The following LRP2 variants were observed in gnomAD, a reference collection of about 807,000 sequenced individuals.
The protein encoded by LRP2 is LDL receptor related protein 2.
A neutral mutation model predicts 531.0 loss-of-function variants in LRP2; 172 were observed. The observed-to-expected ratio is 0.32, with a 90% CI of 0.29 to 0.37. The LOEUF (loss-of-function observed/expected upper bound fraction) is 0.37. Ranked by LOEUF, LRP2 falls within the 10% of genes least tolerant of loss-of-function variation. The pLI is 1.00. For missense variants in LRP2, 5,167 were observed against 5,868.3 expected (o/e 0.88, Z 3.90); for synonymous variants, 1,992 against 2,027.6 (o/e 0.98, Z 0.47).
chr2:169,163,410 TAA>T (rs1043549751), intron 62 of LRP2, among the ~76,000 whole-genome samples: 4 of 152,132 alleles, frequency 2.6e-5, no homozygotes, highest in African/African-American at 4.8e-5. Flanking sequence ...TCCCAAACAG[TAA>T]AAGTCTGAAG....
At chr2:169,279,213 G>T (rs1365147139) in intron 12 of LRP2, among the ~76,000 whole-genome samples, 159 bp downstream of exon 12, 1 of 152,134 alleles carries the variant, frequency 6.6e-6, no homozygotes, top group African/African-American at 2.4e-5. Flanking sequence ...CTCTCTTAAA[G>T]CTTCTATAAA....
At chr2:169,199,380 A>ATG (rs997778243) in intron 44 of LRP2, among the ~76,000 whole-genome samples, 79 of 152,022 alleles carry the variant, frequency 5.2e-4, no homozygotes, top group African/African-American at 1.7e-3. Context: ...ATATAAGTGT[A>ATG]TGTGTGTGTG....
At chr2:169,323,633 A>G (rs1473464027) in intron 1 of LRP2, among the ~76,000 whole-genome samples, 1 of 151,988 alleles carries the variant, frequency 6.6e-6, no homozygotes, top group Non-Finnish European at 1.5e-5. Flanking sequence ...AAGATTTAAA[A>G]AAAAAAAAAG....
In LRP2 at chr2:169,254,316, A is replaced by G. The variant is rs1486273306; in HGVS notation, c.2770+1790T>C. On this transcript the variant is annotated intron_variant, in intron 19 of 78. Coordinates refer to ENST00000649046, the MANE Select transcript of LRP2 (RefSeq NM_004525.3). ...CACCATGGAATACTATGCAGCCATA[A>G]AAAATGATGAGTTCATATCCTTTGT... Among the ~76,000 whole-genome samples, 2 of 83,882 alleles carry G rather than the reference A, an allele frequency of 2.4e-5. 1 individual carries two copies. The highest frequency in any genetic ancestry group is 4.3e-5 in the Non-Finnish European group (2 of 46,134). 55.0% of individuals were successfully genotyped at this position (83,882 alleles called of 152,430 possible). A position where few individuals can be genotyped will look rare whatever the true frequency, so the allele number is the denominator to read the frequency against.
rs766620892 is a variant in LRP2 at position 169,169,814 on chromosome 2, C to T, written c.11385G>A (p.Met3795Ile). 2 of 1,604,822 alleles carry T rather than the reference C, an allele frequency of 1.2e-6. No individual in the cohort carries two copies. The highest frequency in any genetic ancestry group is 1.7e-6 in the Non-Finnish European group (2 of 1,171,574). Residue 3795 changes from methionine (M) to isoleucine (I), a missense_variant, in exon 60 of 79, where the codon ATG becomes ATA. Met to Ile is a conservative substitution (Grantham distance 10, BLOSUM62 1). Around this residue, in one of 6 missense-constraint regions of LRP2, gnomAD observed 564 missense variants for 747.7 expected, o/e 0.75. Coordinates refer to ENST00000649046, the MANE Select transcript of LRP2 (RefSeq NM_004525.3). ...GAAAATATTCAGGATGGCAGGTCCT[C>T]ATCTCTGAAGAGAAAAGATTGTCAT... is the stretch of plus-strand genomic sequence containing the variant. ...GDNSDERDCE[M>I]RTCHPEYFQC... is the part of the protein sequence containing the mutation.
At chr2:169,173,881 T>C (rs777766567) in intron 56 of LRP2, 38 bp downstream of exon 56, 2 of 1,613,258 alleles carry the variant, frequency 1.2e-6, no homozygotes, top group South Asian at 2.2e-5. Flanking sequence ...CGTGTCTCCC[T>C]GCTCTGGTCA....
At chr2:169,185,286 T>C (rs1687594802) in intron 50 of LRP2, among the ~76,000 whole-genome samples, 1 of 152,182 alleles carries the variant, frequency 6.6e-6, no homozygotes, top group East Asian at 1.9e-4. Context: ...AATTCCTCTT[T>C]CCATAAAAAT....
intron 3 of LRP2, among the ~76,000 whole-genome samples, chr2:169,315,164 C>T (rs1320961000): frequency 2.0e-5 from 3 of 152,166 alleles, no homozygotes; most frequent in Non-Finnish European, 4.4e-5. Context: ...TTCATCTATT[C>T]ATTAATTACA....
chr2:169,208,508 T>G (rs1273335506), intron 38 of LRP2, among the ~76,000 whole-genome samples: 2 of 152,162 alleles, frequency 1.3e-5, no homozygotes, highest in Non-Finnish European at 1.5e-5. Context: ...CCAGGCTTGA[T>G]GGCAGTGGCT....
At chr2:169,170,919 C>CTT (rs1447923858) in intron 58 of LRP2, among the ~76,000 whole-genome samples, 2 of 76,538 alleles carry the variant, frequency 2.6e-5, no homozygotes, top group African/African-American at 4.9e-5. Context: ...CTCTCTCTCT[C>CTT]TGTTTTTTTT....
chr2:169,209,433 TC>T lies in LRP2; in HGVS notation c.6469+19del. 6.2e-7 allele frequency: 1 copy of T among 1,610,824 alleles called. No individual in the cohort carries two copies. ...TGACAGAGATGCAAACATATTAAAA[TC>T]ACCATATAGCTTACATACCTGCTAC... is the stretch of plus-strand genomic sequence containing the variant. On this transcript the variant is annotated intron_variant, in intron 38 of 78. Transcript: ENST00000649046.
intron 1 of LRP2, among the ~76,000 whole-genome samples, chr2:169,349,864 C>T (rs1336141306): frequency 6.6e-6 from 1 of 152,194 alleles, no homozygotes; most frequent in Non-Finnish European, 1.5e-5. Context: ...ATTATATACT[C>T]CAAGCTCCAT....
chr2:169,291,055 T>C, intron 7 of LRP2, 58 bp from the exon 8 acceptor site: 1 of 1,524,666 alleles, frequency 6.6e-7, no homozygotes, highest in Non-Finnish European at 9.0e-7. Flanking sequence ...CAGCTCTTTG[T>C]TAATCAGTGG....
Position 169,213,727 on chromosome 2 carries a change from A to T in LRP2, c.5970T>A (p.Thr1990=). The T allele has an allele frequency of 1.9e-6, 3 of 1,613,872 alleles. No homozygotes were observed. The highest frequency in any genetic ancestry group is 2.5e-6 in the Non-Finnish European group (3 of 1,179,830). The change falls in exon 36 of 79, where the codon ACT becomes ACA. Residue 1990 remains threonine (T), a synonymous_variant. Transcript: ENST00000649046. ...CTCTCAAGACTATTTTGTTGGCCCC[A>T]GTGGCCTTATCAACTCTTTCAATGA... The part of the protein sequence containing the change: ...YEVIERVDKA[T]GANKIVLRDN...
chr2:169,139,407 T>A, intron 73 of LRP2, 36 bp from the exon 74 acceptor site: 1 of 1,614,060 alleles, frequency 6.2e-7, no homozygotes, highest in Non-Finnish European at 8.5e-7. Context: ...CATCAACACA[T>A]GGGAGCCCGC....
At chr2:169,266,906 G>A (rs552022284) in intron 16 of LRP2, among the ~76,000 whole-genome samples, 32 of 130,432 alleles carry the variant, frequency 2.5e-4, no homozygotes, top group Admixed American at 1.3e-3. Context: ...TTTTTTTTCC[G>A]AGATAGGGTT....
intron 36 of LRP2, among the ~76,000 whole-genome samples, chr2:169,213,356 C>T (rs2105343061): frequency 6.6e-6 from 1 of 152,148 alleles, no homozygotes; most frequent in Non-Finnish European, 1.5e-5. Context: ...TAATAAGTAA[C>T]ACAAACAATA....
At chr2:169,294,494 T>A in intron 5 of LRP2, 106 bp downstream of exon 5, 1 of 877,612 alleles carries the variant, frequency 1.1e-6, no homozygotes. Flanking sequence ...ACTACCAACA[T>A]GAATTCACTG....
At position 169,241,239 on chromosome 2, in the gene LRP2, G is replaced by GCATTGTGC; in HGVS notation, c.3786_3793dup (p.Ala1265GlyfsTer38). On this transcript the variant is annotated frameshift_variant, in exon 25 of 79. Coordinates refer to ENST00000649046, the MANE Select transcript of LRP2 (RefSeq NM_004525.3). LOFTEE classifies it high-confidence loss of function. ...TGAAGGGCAAGTCTTGGGGACACAG[G>GCATTGTGC]CATTGTGCTCATCAGATCCATAGAG... 2 of 1,614,176 alleles carry GCATTGTGC rather than the reference G, an allele frequency of 1.2e-6. No individual in the cohort carries two copies. The highest frequency in any genetic ancestry group is 1.7e-6 in the Non-Finnish European group (2 of 1,180,038).
Sources: gnomAD v4.1 joint callset for allele counts (sites outside exome capture counted in the v4.1 genomes callset) on GRCh38, gnomAD v4.1.1 for gene constraint, gnomAD v4.1.1 regional missense constraint, MANE v1.5 for transcripts, NCBI Gene and HGNC (gene_info 2026-07-23, HGNC 2026-07-21) for gene names.